RELCH: variants seen among roughly 807,000 people sequenced by gnomAD.
RELCH encodes the protein RAB11-binding protein RELCH.
RELCH carries 41 observed loss-of-function variants against 150.3 expected under a neutral mutation model. The observed-to-expected ratio is 0.27, with a 90% confidence interval of 0.21 to 0.35. The LOEUF is 0.35. Among genes scored for constraint, RELCH ranks in the 10% least tolerant of loss-of-function variants. The pLI, the probability that RELCH is intolerant of heterozygous loss-of-function variation, is 1.00. For synonymous variants in RELCH, 478 were observed against 531.8 expected (o/e 0.90, Z 1.39); for missense variants, 1,092 against 1,467.8 (o/e 0.74, Z 4.18).
intron 28 of RELCH, chr18:62,300,015 G>C (rs1365747187): frequency 6.6e-6 from 1 of 152,170 alleles, no homozygotes; most frequent in Non-Finnish European, 1.5e-5. Flanking sequence ...CTTTGAGTCA[G>C]GGTCCAAATG....
intron 26 of RELCH, 103 bp downstream of exon 26, chr18:62,287,570 C>G: frequency 2.8e-6 from 2 of 709,410 alleles, no homozygotes; most frequent in East Asian, 5.4e-5. Context: ...CTTCAACTTA[C>G]ATTAAGCGTT....
chr18:62,211,997 A>T (rs2040202007), intron 2 of RELCH, among the ~76,000 whole-genome samples: 1 of 152,100 alleles, frequency 6.6e-6, no homozygotes, highest in Non-Finnish European at 1.5e-5. Flanking sequence ...GAAGGACAAC[A>T]TCCTTTTTAA....
chr18:62,219,361 C>T (rs1350375365), intron 2 of RELCH, among the ~76,000 whole-genome samples: 2 of 123,902 alleles, frequency 1.6e-5, no homozygotes, highest in Admixed American at 9.8e-5. Context: ...ATCATTCTGG[C>T]GTAGGGCACT....
At chr18:62,191,516 T>C (rs372272039) in intron 1 of RELCH, among the ~76,000 whole-genome samples, 3 of 152,318 alleles carry the variant, frequency 2.0e-5, no homozygotes, top group South Asian at 4.1e-4. Context: ...CTGCACAGAT[T>C]AACCCATCAC....
intron 16 of RELCH, 73 bp downstream of exon 16, chr18:62,261,731 T>C: frequency 7.5e-7 from 1 of 1,332,510 alleles, no homozygotes; most frequent in Non-Finnish European, 1.0e-6. Context: ...TGTTTTTTAT[T>C]AAAAGTCTAA....
intron 1 of RELCH, among the ~76,000 whole-genome samples, chr18:62,202,507 G>A (rs2039517646): frequency 1.3e-5 from 2 of 152,092 alleles, no homozygotes; most frequent in Non-Finnish European, 2.9e-5. Flanking sequence ...TATATTAAAA[G>A]ATATCAGAGC....
intron 2 of RELCH, among the ~76,000 whole-genome samples, chr18:62,213,582 T>G (rs1048276221): frequency 6.6e-6 from 1 of 151,912 alleles, no homozygotes; most frequent in Non-Finnish European, 1.5e-5. Flanking sequence ...ATACAAAAAT[T>G]AGCTGGGCAT....
At chr18:62,200,964 C>CTTTTTTT (rs543882947) in intron 1 of RELCH, among the ~76,000 whole-genome samples, 24 of 55,000 alleles carry the variant, frequency 4.4e-4, no homozygotes, top group East Asian at 6.8e-4. Context: ...TTTTTCTTTG[C>CTTTTTTT]TTTTTTTTTT....
chr18:62,230,032 G>A (rs574028319), intron 8 of RELCH, among the ~76,000 whole-genome samples: 1 of 152,180 alleles, frequency 6.6e-6, no homozygotes, highest in South Asian at 2.1e-4. Context: ...AACTATACGG[G>A]TATATGTTGG....
intron 26 of RELCH, among the ~76,000 whole-genome samples, chr18:62,291,066 A>G (rs2045104466): frequency 6.6e-6 from 1 of 152,164 alleles, no homozygotes; most frequent in Non-Finnish European, 1.5e-5. Context: ...TCTGATATGC[A>G]CTATAGAGTT....
At position 62,225,384 on chromosome 18, in the gene RELCH, C is replaced by G. The variant is rs114563812; in HGVS notation, c.859-1905C>G. Among the ~76,000 whole-genome samples, 858 of 151,978 alleles carry G rather than the reference C, an allele frequency of 5.6e-3. 8 individuals are homozygous for G. The highest frequency in any genetic ancestry group is 0.019 in the African/African-American group (794 of 41,502). ...AATAACTTCTGCTGTTTGGAAGCCA[C>G]TTTTAAGTGAATGAGAAGACCGAGA... On this transcript the variant is annotated intron_variant, in intron 5 of 28. Coordinates refer to ENST00000644646, the MANE Select transcript of RELCH (RefSeq NM_001346231.2).
At chr18:62,234,303 T>G (rs1181172945) in intron 10 of RELCH, among the ~76,000 whole-genome samples, 2 of 151,414 alleles carry the variant, frequency 1.3e-5, no homozygotes, top group Non-Finnish European at 2.9e-5. Context: ...GGTTTTTTGT[T>G]TTGTTTTGTT....
Position 62,282,373 on chromosome 18 carries a change from C to T in RELCH, c.3182C>T (p.Ser1061Phe), listed in dbSNP as rs2044561272. ...LEDPQYQDQH[S>F]LHTEIIKTFG... ...GATCCTCAGTATCAAGACCAACATT[C>T]TTTGCATACAGAGATCATAAAAACA... is the stretch of plus-strand genomic sequence containing the variant. The change falls in exon 25 of 29, where the codon TCT becomes TTT. Residue 1061 changes from serine to phenylalanine, a missense_variant. Ser to Phe is a radical substitution (Grantham distance 155). This residue lies in a region of RELCH where 707 missense variants were observed against 1,025.4 expected (regional missense o/e 0.69). Coordinates refer to ENST00000644646, the MANE Select transcript of RELCH (RefSeq NM_001346231.2). 1 of 1,612,170 alleles carries T rather than the reference C, an allele frequency of 6.2e-7. No individual in the cohort carries two copies. Among genetic ancestry groups the T allele is most frequent in the Admixed American group, 1.7e-5 (1 of 59,680 alleles).
Position 62,267,411 on chromosome 18 carries a change from A to G in RELCH, c.2680+662A>G, listed in dbSNP as rs149108132. Among the ~76,000 whole-genome samples the G allele has an allele frequency of 1.0e-4, 15 of 150,176 alleles. No homozygotes were observed. In the South Asian group the frequency reaches 2.1e-3, roughly 21 times the overall value. The stretch of plus-strand genomic sequence containing the variant: ...ATATATCTCTCTATATATAGAATAT[A>G]TATATAGTCTAGGTATATATGTATG... On this transcript the variant is annotated intron_variant, in intron 19 of 28. Coordinates refer to ENST00000644646, the MANE Select transcript of RELCH (RefSeq NM_001346231.2).
chr18:62,230,926 T>A (rs1294205636), intron 8 of RELCH, among the ~76,000 whole-genome samples: 1 of 152,080 alleles, frequency 6.6e-6, no homozygotes. Flanking sequence ...CACTTTAGGT[T>A]TGATCCACTA....
At chr18:62,264,372 G>A (rs539269932) in intron 17 of RELCH, among the ~76,000 whole-genome samples, 15 of 152,096 alleles carry the variant, frequency 9.9e-5, no homozygotes, top group Non-Finnish European at 1.5e-4. Flanking sequence ...TTGTCCAATC[G>A]TGGTGATGGA....
chr18:62,201,334 G>A (rs1479467311), intron 1 of RELCH, among the ~76,000 whole-genome samples: 1 of 152,002 alleles, frequency 6.6e-6, no homozygotes, highest in Non-Finnish European at 1.5e-5. Flanking sequence ...TACTTTTAAA[G>A]TAAGTCTGTT....
intron 1 of RELCH, among the ~76,000 whole-genome samples, chr18:62,209,423 A>G (rs562623049): frequency 2.6e-5 from 4 of 152,172 alleles, no homozygotes; most frequent in Non-Finnish European, 5.9e-5. Context: ...TCTTGGTACT[A>G]TTGTCAAAAA....
chr18:62,203,198 C>T (rs996134579), intron 1 of RELCH, among the ~76,000 whole-genome samples: 3 of 152,330 alleles, frequency 2.0e-5, no homozygotes, highest in African/African-American at 7.2e-5. Context: ...TGGCTCACAC[C>T]TGTAATATCA....
Sources: gnomAD v4.1 joint callset for allele counts (sites outside exome capture counted in the v4.1 genomes callset) on GRCh38, gnomAD v4.1.1 for gene constraint, gnomAD v4.1.1 regional missense constraint, MANE v1.5 for transcripts, NCBI Gene and HGNC (gene_info 2026-07-23, HGNC 2026-07-21) for gene names.